The following ATF1 variants were observed in gnomAD, a reference collection of about 807,000 sequenced individuals.
ATF1 encodes the protein activating transcription factor 1, also known as cyclic AMP-dependent transcription factor ATF-1.
A neutral mutation model predicts 34.7 loss-of-function variants in ATF1; 16 were observed. That is an observed-to-expected ratio of 0.46 (90% CI 0.31 to 0.70). ATF1 has a LOEUF of 0.70. ATF1 is among the 30% of genes least tolerant of loss of function. ATF1 has a pLI of 0.05. For synonymous variants in ATF1, 105 were observed against 113.1 expected, an observed-to-expected ratio of 0.93 and a Z score of 0.46; for missense variants, 255 against 321.6, an observed-to-expected ratio of 0.79 and a Z score of 1.58.
chr12:50,816,870 C>T (rs1162851185), intron 6 of ATF1, among the ~76,000 whole-genome samples: 2 of 151,432 alleles, frequency 1.3e-5, no homozygotes, highest in Non-Finnish European at 2.9e-5. Flanking sequence ...AAAAATAAAA[C>T]AAACAAAAAA....
In ATF1 at chr12:50,818,673, G is replaced by C. The variant is rs191330868; in HGVS notation, c.672-962G>C. 6.3e-3 allele frequency among the ~76,000 whole-genome samples: 957 copies of C among 152,218 alleles called. 10 individuals carry two copies. The highest frequency in any genetic ancestry group is 0.021 in the African/African-American group (881 of 41,544). ...TGCCCAGGGTGGAGTGCAGTGGCGC[G>C]ATCTTGGCTCACTGCAACCTCCACC... On this transcript the variant is annotated intron_variant, in intron 6 of 6. Transcript: ENST00000262053.
At chr12:50,819,488 T>C in intron 6 of ATF1, 147 bp from the exon 7 acceptor site, 1 of 923,708 alleles carries the variant, frequency 1.1e-6, no homozygotes, top group East Asian at 2.7e-5. Context: ...ACTGACTGAA[T>C]TCTACACTTA....
intron 3 of ATF1, among the ~76,000 whole-genome samples, chr12:50,806,788 GAATCT>G (rs749052656): frequency 7.2e-5 from 11 of 152,096 alleles, no homozygotes; most frequent in Non-Finnish European, 1.5e-4. Context: ...CACCAGATGG[GAATCT>G]AGATTCAACA....
chr12:50,763,517 A>T (rs963113584), upstream of ATF1, among the ~76,000 whole-genome samples: 2 of 148,418 alleles, frequency 1.3e-5, no homozygotes, highest in Non-Finnish European at 3.0e-5. Flanking sequence ...CCATAGGCTG[A>T]GGTTGGAGAA....
chr12:50,778,047 G>C (rs1461933302), intron 1 of ATF1, among the ~76,000 whole-genome samples: 2 of 150,792 alleles, frequency 1.3e-5, no homozygotes, highest in African/African-American at 4.9e-5. Context: ...CTCCTGAGTA[G>C]CTGAGACTAC....
At chr12:50,799,063 C>T (rs868188376) in intron 3 of ATF1, among the ~76,000 whole-genome samples, 36 of 152,270 alleles carry the variant, frequency 2.4e-4, no homozygotes, top group African/African-American at 8.7e-4. Context: ...AACTTGTGGC[C>T]TGGACACAAC....
chr12:50,794,778 G>T (rs1408182267), intron 2 of ATF1, among the ~76,000 whole-genome samples: 1 of 151,802 alleles, frequency 6.6e-6, no homozygotes, highest in African/African-American at 2.4e-5. Flanking sequence ...AATTAGCTGG[G>T]CATGGTGGTG....
intron 3 of ATF1, among the ~76,000 whole-genome samples, chr12:50,799,117 G>A (rs1184319719): frequency 1.3e-5 from 2 of 152,216 alleles, no homozygotes; most frequent in Non-Finnish European, 2.9e-5. Flanking sequence ...TAGGTCTGTG[G>A]CTCATGCCTG....
chr12:50,767,453 G>A (rs545831650), intron 1 of ATF1, among the ~76,000 whole-genome samples: 1 of 152,320 alleles, frequency 6.6e-6, no homozygotes, highest in Non-Finnish European at 1.5e-5. Context: ...CCGGGAGGCG[G>A]AGGTTGCAGT....
In ATF1 at chr12:50,820,939, A is replaced by G. The variant is rs1275586298; in HGVS notation, c.*1160A>G. The G allele has an allele frequency of 5.6e-6, 1 of 180,146 alleles. No individual in the cohort carries two copies. The highest frequency in any genetic ancestry group is 9.2e-5 in the East Asian group (1 of 10,846). The allele number at this position is 180,146 out of a possible 1,614,324, so 11.2% of individuals were successfully genotyped here. On this transcript the variant is annotated 3_prime_UTR_variant, in exon 7 of 7. Coordinates refer to ENST00000262053, the MANE Select transcript of ATF1 (RefSeq NM_005171.5). The stretch of plus-strand genomic sequence containing the variant: ...ATTATGGGACGTTTTCAGATTGGCT[A>G]ATATTTGCATTGTAAATTTTGTATG...
chr12:50,801,305 C>T (rs1941506734), intron 3 of ATF1, among the ~76,000 whole-genome samples: 1 of 151,836 alleles, frequency 6.6e-6, no homozygotes, highest in Non-Finnish European at 1.5e-5. Context: ...TCTATATACC[C>T]CTAGAGCAAC....
At chr12:50,795,119 A>G (rs1592187411) in intron 2 of ATF1, among the ~76,000 whole-genome samples, 1 of 152,210 alleles carries the variant, frequency 6.6e-6, no homozygotes, top group Non-Finnish European at 1.5e-5. Context: ...ATATATTTAT[A>G]CCTGCCATTG....
intron 2 of ATF1, among the ~76,000 whole-genome samples, chr12:50,785,796 C>T (rs1180391159): frequency 1.3e-5 from 2 of 152,212 alleles, no homozygotes; most frequent in African/African-American, 4.8e-5. Flanking sequence ...CTCCCTGCCA[C>T]GTGATCCTCT....
At chr12:50,815,791 A>G (rs1290129772) in intron 6 of ATF1, among the ~76,000 whole-genome samples, 1 of 152,220 alleles carries the variant, frequency 6.6e-6, no homozygotes, top group Non-Finnish European at 1.5e-5. Context: ...AAAGAAATCA[A>G]TATATCAGAG....
intron 2 of ATF1, among the ~76,000 whole-genome samples, chr12:50,795,698 G>A (rs574536429): frequency 3.8e-4 from 58 of 152,266 alleles, no homozygotes; most frequent in African/African-American, 1.3e-3. Flanking sequence ...CTCTGGGCCT[G>A]CTATATTTGA....
intron 3 of ATF1, among the ~76,000 whole-genome samples, chr12:50,799,199 A>T (rs2139675593): frequency 6.6e-6 from 1 of 152,318 alleles, no homozygotes; most frequent in South Asian, 2.1e-4. Flanking sequence ...AATCTGTGTA[A>T]CATAAGGAGA....
intron 6 of ATF1, 63 bp from the exon 7 acceptor site, chr12:50,819,572 A>G: frequency 6.4e-7 from 1 of 1,560,586 alleles, no homozygotes. Flanking sequence ...TTACTGAAGA[A>G]CATTTACCAT....
intron 1 of ATF1, among the ~76,000 whole-genome samples, chr12:50,777,854 A>C (rs1245150512): frequency 1.3e-5 from 2 of 152,036 alleles, no homozygotes; most frequent in Non-Finnish European, 2.9e-5. Context: ...CACAGTTATT[A>C]ATTCAATGAA....
intron 1 of ATF1, among the ~76,000 whole-genome samples, chr12:50,765,091 T>C (rs1390540724): frequency 6.6e-6 from 1 of 152,192 alleles, no homozygotes; most frequent in East Asian, 1.9e-4. Flanking sequence ...AAATAATGTC[T>C]GGTTGTGGCG....
Sources: allele counts gnomAD v4.1 joint callset (sites outside exome capture counted in the v4.1 genomes callset), GRCh38; gene constraint gnomAD v4.1.1; transcripts MANE v1.5; gene names NCBI Gene and HGNC (gene_info 2026-07-23, HGNC 2026-07-21).